CERT1: variants seen among roughly 807,000 people sequenced by gnomAD.
CERT1 encodes the protein ceramide transfer protein.
A neutral mutation model predicts 87.9 loss-of-function variants in CERT1; 31 were observed. That is an observed-to-expected ratio of 0.35 (90% CI 0.27 to 0.48). The LOEUF (loss-of-function observed/expected upper bound fraction) is 0.48. CERT1 is among the 20% of genes least tolerant of loss of function. The pLI, the probability that CERT1 is intolerant of heterozygous loss-of-function variation, is 0.99. For missense variants in CERT1, 487 were observed against 758.0 expected (o/e 0.64, Z 4.20); for synonymous variants, 289 against 250.9 (o/e 1.15, Z -1.44).
intron 2 of CERT1, among the ~76,000 whole-genome samples, chr5:75,479,838 T>C (rs1359270008): frequency 6.6e-6 from 1 of 152,192 alleles, no homozygotes; most frequent in Non-Finnish European, 1.5e-5. Context: ...AATGGTAGTT[T>C]TGCTTTTAGC....
At chr5:75,464,868 G>C (rs1429340761) in intron 2 of CERT1, among the ~76,000 whole-genome samples, 1 of 152,106 alleles carries the variant, frequency 6.6e-6, no homozygotes, top group Non-Finnish European at 1.5e-5. Flanking sequence ...ATGAGCCACC[G>C]CAAGTGGCCC....
At chr5:75,483,254 T>A (rs1190705371) in intron 2 of CERT1, among the ~76,000 whole-genome samples, 2 of 152,136 alleles carry the variant, frequency 1.3e-5, no homozygotes, top group African/African-American at 4.8e-5. Context: ...GAAATATACA[T>A]CAGTGTCTCT....
At chr5:75,475,217 G>T (rs79994763) in intron 2 of CERT1, among the ~76,000 whole-genome samples, 2,101 of 152,106 alleles carry the variant, frequency 0.014, 52 homozygotes, top group African/African-American at 0.049. Flanking sequence ...TTATAGCAAG[G>T]AACAAATGCC....
At position 75,403,053 on chromosome 5, in the gene CERT1, G is replaced by C. The variant is rs1580721623; in HGVS notation, c.936C>G (p.Gly312=). The C allele has an allele frequency of 4.3e-6, 7 of 1,609,772 alleles. No homozygotes were observed. Among genetic ancestry groups the C allele is most frequent in the Non-Finnish European group, 6.0e-6 (7 of 1,176,340 alleles). The change falls in exon 9 of 17, where the codon GGC becomes GGG. Residue 312 remains glycine (G), a synonymous_variant. Coordinates refer to ENST00000643780, the MANE Select transcript of CERT1 (RefSeq NM_001379029.1). ...SHFGGPDYEE[G]PNSLINEEEF... ...CTTCTTCATTAATCAGACTGTTAGG[G>C]CCTTCCTATTCCAACACACAGTGGA...
chr5:75,448,331 G>C (rs1020164823), intron 3 of CERT1, among the ~76,000 whole-genome samples: 1 of 152,102 alleles, frequency 6.6e-6, no homozygotes, highest in Non-Finnish European at 1.5e-5. Context: ...GAAGTACATG[G>C]ACTTCCTGTG....
intron 3 of CERT1, among the ~76,000 whole-genome samples, chr5:75,433,014 G>C (rs1295808595): frequency 2.0e-5 from 3 of 152,136 alleles, no homozygotes; most frequent in Non-Finnish European, 4.4e-5. Context: ...TTGTGGTTGT[G>C]AGGCTTTATT....
intron 3 of CERT1, among the ~76,000 whole-genome samples, chr5:75,437,296 T>C (rs1357378263): frequency 6.6e-6 from 1 of 152,208 alleles, no homozygotes; most frequent in Non-Finnish European, 1.5e-5. Flanking sequence ...TAACATCATC[T>C]TACAACAAAG....
chr5:75,375,359 C>G (rs926672205), downstream of CERT1: 1 of 151,596 alleles, frequency 6.6e-6, no homozygotes, highest in Non-Finnish European at 1.5e-5. Context: ...TTGAGGCAGG[C>G]GGATTGCTTG....
chr5:75,427,805 T>C (rs1354494643), intron 3 of CERT1, among the ~76,000 whole-genome samples: 2 of 152,162 alleles, frequency 1.3e-5, no homozygotes, highest in Non-Finnish European at 1.5e-5. Flanking sequence ...TTAGTAAACA[T>C]CAATTTTTTT....
intron 5 of CERT1, among the ~76,000 whole-genome samples, chr5:75,423,382 G>A (rs1228139974): frequency 8.2e-6 from 1 of 122,372 alleles, no homozygotes; most frequent in Non-Finnish European, 1.6e-5. Flanking sequence ...ATTTTTAGAG[G>A]GGAAAAAAAA....
At chr5:75,499,884 A>G (rs996119543) in intron 2 of CERT1, among the ~76,000 whole-genome samples, 2 of 152,154 alleles carry the variant, frequency 1.3e-5, no homozygotes, top group Non-Finnish European at 2.9e-5. Context: ...CCTCAAAATC[A>G]TATTATATGT....
At chr5:75,390,859 A>G (rs1352509746) in intron 11 of CERT1, among the ~76,000 whole-genome samples, 2 of 152,216 alleles carry the variant, frequency 1.3e-5, no homozygotes, top group African/African-American at 4.8e-5. Context: ...GTTGGAGTGC[A>G]GCGGCACAAT....
chr5:75,455,978 A>G (rs1280100740), intron 3 of CERT1, among the ~76,000 whole-genome samples: 2 of 152,210 alleles, frequency 1.3e-5, no homozygotes, highest in East Asian at 1.9e-4. Context: ...GTGATCCTCA[A>G]TAAGTGTTAG....
chr5:75,467,749 T>C (rs972895678), intron 2 of CERT1, among the ~76,000 whole-genome samples: 1 of 151,930 alleles, frequency 6.6e-6, no homozygotes, highest in Non-Finnish European at 1.5e-5. Context: ...AGTGATAAAT[T>C]TGCATAGAAC....
At chr5:75,381,826 A>G (rs1761598845) in intron 15 of CERT1, 123 bp downstream of exon 15, 1 of 913,662 alleles carries the variant, frequency 1.1e-6, no homozygotes, top group Admixed American at 2.6e-5. Flanking sequence ...TCAATCCAAC[A>G]TAAAATCTAA....
downstream of CERT1, chr5:75,375,620 A>C (rs992235915): frequency 2.1e-5 from 3 of 143,734 alleles, no homozygotes; most frequent in East Asian, 3.9e-4. Context: ...TAAATAAATA[A>C]ATAAATAAAT....
intron 3 of CERT1, among the ~76,000 whole-genome samples, chr5:75,444,458 A>G (rs1764452120): frequency 6.8e-6 from 1 of 147,400 alleles, no homozygotes; most frequent in African/African-American, 2.5e-5. Flanking sequence ...TATTTTTGCT[A>G]TTTTCTATGT....
downstream of CERT1, chr5:75,374,747 A>T: frequency 1.8e-6 from 1 of 567,712 alleles, no homozygotes; most frequent in Admixed American, 1.9e-5. Flanking sequence ...GAAGGATCGA[A>T]CACCTCCACC....
chr5:75,462,357 G>A (rs185362368), intron 2 of CERT1, among the ~76,000 whole-genome samples: 1 of 152,190 alleles, frequency 6.6e-6, no homozygotes, highest in East Asian at 1.9e-4. Flanking sequence ...TGATCATCAG[G>A]CATTAGATTC....
Sources: allele counts gnomAD v4.1 joint callset (sites outside exome capture counted in the v4.1 genomes callset), GRCh38; gene constraint gnomAD v4.1.1; transcripts MANE v1.5; gene names NCBI Gene and HGNC (gene_info 2026-07-23, HGNC 2026-07-21).